The following SLC41A2 variants were observed in gnomAD, a reference collection of about 807,000 sequenced individuals.
SLC41A2 encodes SLC41A1-like 1.
A neutral mutation model predicts 58.3 loss-of-function variants in SLC41A2; 32 were observed. The observed-to-expected ratio is 0.55, with a 90% CI of 0.41 to 0.74. The LOEUF is 0.74. Ranked by LOEUF, SLC41A2 falls within the 30% of genes least tolerant of loss-of-function variation. SLC41A2 has a pLI of 0.00. For synonymous variants in SLC41A2, 190 were observed against 235.0 expected (o/e 0.81, Z 1.75); for missense variants, 514 against 680.6 (o/e 0.76, Z 2.72).
In SLC41A2 at chr12:104,802,930, C is replaced by A. The variant is rs1475462333; in HGVS notation, c.*2222G>T. The A allele has an allele frequency of 6.6e-6, 1 of 152,086 alleles. No homozygotes were observed. Among genetic ancestry groups the A allele is most frequent in the East Asian group, 1.9e-4 (1 of 5,202 alleles). 9.4% of individuals were successfully genotyped at this position (152,086 alleles called of 1,614,324 possible). A position where few individuals can be genotyped will look rare whatever the true frequency, so the allele number is the denominator to read the frequency against. On this transcript the variant is annotated 3_prime_UTR_variant, in exon 11 of 11. Coordinates refer to ENST00000258538, the MANE Select transcript of SLC41A2 (RefSeq NM_001352171.3). ...GAAAACCTGGATGTTAGGGACTTCACAATTTGGTCATTTTGCAGCTGTACA... is the reference window on the plus strand; with the variant it reads ...GAAAACCTGGATGTTAGGGACTTCAAAATTTGGTCATTTTGCAGCTGTACA...
chr12:104,893,794 G>T (rs2045137817), intron 4 of SLC41A2, among the ~76,000 whole-genome samples: 1 of 152,170 alleles, frequency 6.6e-6, no homozygotes, highest in African/African-American at 2.4e-5. Flanking sequence ...TTTATGGGAT[G>T]TAAAAATCAA....
chr12:104,804,999 A>T lies in SLC41A2; in HGVS notation c.*153T>A. 1 of 549,468 alleles carries T rather than the reference A, an allele frequency of 1.8e-6. No homozygotes were observed. The highest frequency in any genetic ancestry group is 3.1e-6 in the Non-Finnish European group (1 of 321,526). The allele number at this position is 549,468 out of a possible 1,614,324, so 34.0% of individuals were successfully genotyped here. On this transcript the variant is annotated 3_prime_UTR_variant, in exon 11 of 11. Transcript: ENST00000258538. ...ATTCTGGTTTTGACACAAATTCCTTAAAAAAAAATTAAGGCCATTTAATTG... is the reference window on the plus strand; with the variant it reads ...ATTCTGGTTTTGACACAAATTCCTTTAAAAAAAATTAAGGCCATTTAATTG...
intron 2 of SLC41A2, among the ~76,000 whole-genome samples, chr12:104,911,310 A>T (rs957402711): frequency 2.0e-5 from 3 of 152,190 alleles, no homozygotes; most frequent in African/African-American, 7.2e-5. Flanking sequence ...AGGCTGTATC[A>T]CAGGTCATGA....
intron 10 of SLC41A2, among the ~76,000 whole-genome samples, chr12:104,811,639 A>G (rs984657979): frequency 6.6e-6 from 1 of 152,166 alleles, no homozygotes; most frequent in Non-Finnish European, 1.5e-5. Flanking sequence ...GATAAAGCTG[A>G]GTGGTAAATA....
At chr12:104,884,849 TG>T (rs770017668) in intron 6 of SLC41A2, among the ~76,000 whole-genome samples, 9 of 152,232 alleles carry the variant, frequency 5.9e-5, no homozygotes, top group African/African-American at 2.2e-4. Flanking sequence ...TGAGAGTGTG[TG>T]GGTGAGTTTA....
intron 5 of SLC41A2, among the ~76,000 whole-genome samples, chr12:104,888,364 T>TAA (rs148522803): frequency 0.033 from 5,017 of 152,086 alleles, 256 homozygotes; most frequent in African/African-American, 0.11. Flanking sequence ...TTGCTGGTGA[T>TAA]ATAAGGGCAA....
At chr12:104,923,584 T>C (rs941414441) in intron 2 of SLC41A2, among the ~76,000 whole-genome samples, 4 of 151,462 alleles carry the variant, frequency 2.6e-5, no homozygotes, top group African/African-American at 9.7e-5. Flanking sequence ...AGCTAGACTA[T>C]GAAAAAAAGA....
At chr12:104,866,116 C>A (rs2135525208) in intron 7 of SLC41A2, among the ~76,000 whole-genome samples, 1 of 152,198 alleles carries the variant, frequency 6.6e-6, no homozygotes, top group South Asian at 2.1e-4. Context: ...CATACACATA[C>A]ACACACAAAG....
At chr12:104,951,599 C>A (rs1277535319) in intron 1 of SLC41A2, 2 of 152,036 alleles carry the variant, frequency 1.3e-5, no homozygotes, top group Non-Finnish European at 2.9e-5. Context: ...AGTCATAATA[C>A]TGTGACAGTA....
At chr12:104,842,511 A>G (rs1420470042) in intron 10 of SLC41A2, among the ~76,000 whole-genome samples, 6 of 152,174 alleles carry the variant, frequency 3.9e-5, no homozygotes, top group South Asian at 2.1e-4. Flanking sequence ...TTTAATAACA[A>G]CAACAATAGC....
At chr12:104,937,489 G>A (rs2047330642) in intron 1 of SLC41A2, among the ~76,000 whole-genome samples, 1 of 152,192 alleles carries the variant, frequency 6.6e-6, no homozygotes. Context: ...TTACTGTACT[G>A]TAGCCTAGGA....
chr12:104,952,966 G>C (rs545065179), intron 1 of SLC41A2, among the ~76,000 whole-genome samples: 1 of 152,152 alleles, frequency 6.6e-6, no homozygotes, highest in African/African-American at 2.4e-5. Flanking sequence ...TGGTTCCAAA[G>C]CACTCTACAC....
intron 2 of SLC41A2, among the ~76,000 whole-genome samples, chr12:104,915,203 G>C (rs2046259830): frequency 1.3e-5 from 2 of 152,030 alleles, no homozygotes; most frequent in South Asian, 4.1e-4. Context: ...ATAAGTTGAA[G>C]AACACATCTA....
chr12:104,802,998 G>A lies in SLC41A2; in HGVS notation c.*2154C>T, dbSNP rs2040752427. The A allele has an allele frequency of 2.0e-5, 3 of 152,116 alleles. No homozygotes were observed. The highest frequency in any genetic ancestry group is 4.8e-5 in the African/African-American group (2 of 41,438). 9.4% of individuals were successfully genotyped at this position (152,116 alleles called of 1,614,324 possible). On this transcript the variant is annotated 3_prime_UTR_variant, in exon 11 of 11. Transcript: ENST00000258538. ...TCTCTGAATTTCGGTTTCCTCTGCT[G>A]TAAAATAGAGATAGGAATATCCATC... is the stretch of plus-strand genomic sequence containing the variant.
intron 10 of SLC41A2, among the ~76,000 whole-genome samples, chr12:104,830,797 G>T (rs945522037): frequency 6.6e-5 from 10 of 152,156 alleles, no homozygotes; most frequent in Non-Finnish European, 2.9e-5. Flanking sequence ...CTACCCATTA[G>T]TTTTCAAATT....
At chr12:104,859,530 C>T (rs1396795610) in intron 8 of SLC41A2, among the ~76,000 whole-genome samples, 1 of 151,884 alleles carries the variant, frequency 6.6e-6, no homozygotes. Context: ...GGATGAAGGA[C>T]CAGGTTGAAA....
intron 1 of SLC41A2, among the ~76,000 whole-genome samples, chr12:104,950,788 T>C (rs2135982100): frequency 6.6e-6 from 1 of 152,312 alleles, no homozygotes; most frequent in South Asian, 2.1e-4. Context: ...TTCCACCCAC[T>C]GGGTCCCCAT....
intron 8 of SLC41A2, 70 bp downstream of exon 8, chr12:104,861,221 C>T: frequency 8.7e-7 from 1 of 1,154,208 alleles, no homozygotes; most frequent in Non-Finnish European, 1.3e-6. Context: ...CCTAAGACTT[C>T]TAATAGTACC....
chr12:104,891,657 C>T (rs1593084509), intron 4 of SLC41A2, among the ~76,000 whole-genome samples: 1 of 151,792 alleles, frequency 6.6e-6, no homozygotes, highest in African/African-American at 2.4e-5. Context: ...AGACTTTCAC[C>T]ACTGTTTTTT....
Sources: allele counts gnomAD v4.1 joint callset (sites outside exome capture counted in the v4.1 genomes callset), GRCh38; gene constraint gnomAD v4.1.1; transcripts MANE v1.5; gene names NCBI Gene and HGNC (gene_info 2026-07-23, HGNC 2026-07-21).